FARSB: variants seen among roughly 807,000 people sequenced by gnomAD.
FARSB encodes the protein phenylalanine--tRNA ligase beta subunit.
Under a neutral mutation model 69.6 loss-of-function variants are expected in FARSB, and 40 were observed. That is an observed-to-expected ratio of 0.57 (90% CI 0.45 to 0.75). The LOEUF (loss-of-function observed/expected upper bound fraction) is 0.75, where lower values mean the gene tolerates loss of function less well. FARSB is among the 30% of genes least tolerant of loss of function. The pLI, the probability that FARSB is intolerant of heterozygous loss-of-function variation, is 0.00. For synonymous variants in FARSB, 235 were observed against 247.2 expected (o/e 0.95, Z 0.46); for missense variants, 632 against 722.9 (o/e 0.87, Z 1.44).
intron 5 of FARSB, among the ~76,000 whole-genome samples, chr2:222,638,487 A>T (rs2106234552): frequency 6.6e-6 from 1 of 152,350 alleles, no homozygotes; most frequent in South Asian, 2.1e-4. Context: ...TTTTGAAATT[A>T]TATTTAAATT....
At chr2:222,616,482 A>C (rs2106211980) in intron 14 of FARSB, among the ~76,000 whole-genome samples, 1 of 134,632 alleles carries the variant, frequency 7.4e-6, no homozygotes, top group Admixed American at 8.3e-5. Context: ...AGAAGGCGGA[A>C]GTTGCAGTGA....
chr2:222,576,141 TTCTTAATCAGGG>T (rs775718180), intron 16 of FARSB, among the ~76,000 whole-genome samples: 15 of 152,142 alleles, frequency 9.9e-5, no homozygotes, highest in Non-Finnish European at 1.9e-4. Flanking sequence ...ATCAAGCACC[TTCTTAATCAGGG>T]TCTTAATTCC....
At chr2:222,595,396 T>C (rs554220259) in intron 16 of FARSB, among the ~76,000 whole-genome samples, 104 of 152,238 alleles carry the variant, frequency 6.8e-4, no homozygotes, top group South Asian at 3.1e-3. Context: ...ACAGGTGTCC[T>C]GAAAGGGGAA....
chr2:222,622,236 G>A (rs890976484), intron 13 of FARSB, among the ~76,000 whole-genome samples: 3 of 152,280 alleles, frequency 2.0e-5, no homozygotes, highest in South Asian at 2.1e-4. Context: ...GTGCTCCTTC[G>A]AAGACACATG....
intron 6 of FARSB, among the ~76,000 whole-genome samples, chr2:222,633,556 C>T (rs1691493472): frequency 6.6e-6 from 1 of 151,860 alleles, no homozygotes; most frequent in Admixed American, 6.6e-5. Flanking sequence ...GTGGCACATG[C>T]CTGTAATCCC....
intron 2 of FARSB, among the ~76,000 whole-genome samples, chr2:222,643,658 C>T (rs1476086572): frequency 1.3e-5 from 2 of 152,032 alleles, no homozygotes; most frequent in African/African-American, 4.8e-5. Flanking sequence ...AGTATAAAAA[C>T]TAAAAACAGT....
chr2:222,599,622 T>C (rs1690508625), intron 16 of FARSB, among the ~76,000 whole-genome samples: 1 of 152,218 alleles, frequency 6.6e-6, no homozygotes, highest in African/African-American at 2.4e-5. Flanking sequence ...GGGTTCACCA[T>C]GTGCTGATGG....
chr2:222,619,293 A>C (rs1329198228), intron 14 of FARSB, among the ~76,000 whole-genome samples: 1 of 150,132 alleles, frequency 6.7e-6, no homozygotes, highest in Non-Finnish European at 1.5e-5. Context: ...GCAACAGGGC[A>C]AGACTCTGTC....
chr2:222,621,173 C>T (rs773621100), intron 13 of FARSB, among the ~76,000 whole-genome samples: 4 of 152,194 alleles, frequency 2.6e-5, no homozygotes, highest in South Asian at 2.1e-4. Context: ...CACATGGCAA[C>T]GCAGCTGTGT....
intron 16 of FARSB, among the ~76,000 whole-genome samples, chr2:222,597,848 T>G (rs1324931817): frequency 6.6e-6 from 1 of 152,142 alleles, no homozygotes; most frequent in Non-Finnish European, 1.5e-5. Context: ...ATTAATCCTT[T>G]TAAAGTACAG....
chr2:222,596,795 A>T (rs1256271304), intron 16 of FARSB, among the ~76,000 whole-genome samples: 1 of 152,128 alleles, frequency 6.6e-6, no homozygotes, highest in Non-Finnish European at 1.5e-5. Context: ...GTATGTGTGT[A>T]CGTGTGTGTG....
chr2:222,609,701 T>C lies in FARSB; in HGVS notation c.1462+4110A>G, dbSNP rs555328461. ...CTTAATGCTCAAAAAGTGTGCCTGA[T>C]GCAGTCTCTAAACTGGCAGCCTGAC... On this transcript the variant is annotated intron_variant, in intron 15 of 16. Transcript: ENST00000281828. Among the ~76,000 whole-genome samples, 11 of 152,312 alleles carry C rather than the reference T, an allele frequency of 7.2e-5. No individual in the cohort carries two copies. In the South Asian group the frequency reaches 2.1e-3, roughly 29 times the overall value.
intron 13 of FARSB, among the ~76,000 whole-genome samples, chr2:222,620,989 T>C (rs575426569): frequency 6.6e-6 from 1 of 152,310 alleles, no homozygotes; most frequent in South Asian, 2.1e-4. Flanking sequence ...GCTGCTGAGA[T>C]GGAGAATGGT....
chr2:222,609,892 T>C (rs1226213292), intron 15 of FARSB, among the ~76,000 whole-genome samples: 3 of 152,250 alleles, frequency 2.0e-5, no homozygotes, highest in Non-Finnish European at 2.9e-5. Context: ...GTATGGATTC[T>C]ATTTTCATTT....
chr2:222,638,232 C>G (rs78372571), intron 5 of FARSB, among the ~76,000 whole-genome samples: 77 of 152,304 alleles, frequency 5.1e-4, no homozygotes, highest in African/African-American at 1.7e-3. Context: ...TTAGGATTTA[C>G]TGACAGAAAA....
chr2:222,585,737 T>C (rs180853091), intron 16 of FARSB, among the ~76,000 whole-genome samples: 1 of 152,284 alleles, frequency 6.6e-6, no homozygotes, highest in African/African-American at 2.4e-5. Context: ...CAAGCTTCAG[T>C]AGCTGATTGG....
chr2:222,572,085 A>C, intron 16 of FARSB, 63 bp from the exon 17 acceptor site: 6 of 1,448,738 alleles, frequency 4.1e-6, no homozygotes, highest in Non-Finnish European at 5.7e-6. Context: ...ATAGACATTT[A>C]ACACTAAAAG....
chr2:222,611,133 A>C (rs764900778), intron 15 of FARSB, among the ~76,000 whole-genome samples: 22 of 152,188 alleles, frequency 1.4e-4, no homozygotes, highest in Non-Finnish European at 2.9e-4. Flanking sequence ...TAGACTTACC[A>C]AGCACATTTA....
intron 2 of FARSB, chr2:222,644,623 T>C: frequency 2.4e-6 from 1 of 418,370 alleles, no homozygotes; most frequent in African/African-American, 2.0e-5. Context: ...GCATTCATTT[T>C]TCAGCAGCAC....
Sources: allele counts gnomAD v4.1 joint callset (sites outside exome capture counted in the v4.1 genomes callset), GRCh38; gene constraint gnomAD v4.1.1; transcripts MANE v1.5; gene names NCBI Gene and HGNC (gene_info 2026-07-23, HGNC 2026-07-21).